FMNL2: variants seen among roughly 807,000 people sequenced by gnomAD.
The protein encoded by FMNL2 is formin-like protein 2.
Under a neutral mutation model 130.2 loss-of-function variants are expected in FMNL2, and 51 were observed. That is an observed-to-expected ratio of 0.39 (90% CI 0.31 to 0.49). The LOEUF is 0.49. Ranked by LOEUF, FMNL2 falls within the 20% of genes least tolerant of loss-of-function variation. The pLI is 0.85. For synonymous variants in FMNL2, 465 were observed against 467.1 expected (o/e 1.00, Z 0.06); for missense variants, 977 against 1,316.2 (o/e 0.74, Z 3.99).
At chr2:152,593,690 C>T (rs1216878974) in intron 9 of FMNL2, among the ~76,000 whole-genome samples, 1 of 152,106 alleles carries the variant, frequency 6.6e-6, no homozygotes, top group Non-Finnish European at 1.5e-5. Flanking sequence ...TCAACAAATA[C>T]AATCTGGGGA....
intron 3 of FMNL2, among the ~76,000 whole-genome samples, chr2:152,545,363 C>T (rs1694564621): frequency 6.6e-6 from 1 of 152,114 alleles, no homozygotes; most frequent in Non-Finnish European, 1.5e-5. Flanking sequence ...TCCTCGAATA[C>T]TTGATTCGTT....
In FMNL2 at chr2:152,478,250, A is replaced by AT. The variant is rs869219736; in HGVS notation, c.118-43675dup. 6.8e-3 allele frequency among the ~76,000 whole-genome samples: 629 copies of AT among 92,108 alleles called. 6 individuals carry two copies. Among genetic ancestry groups the AT allele is most frequent in the East Asian group, 0.023 (62 of 2,728 alleles). The allele number at this position is 92,108 out of a possible 152,430, so 60.4% of individuals were successfully genotyped here. A position where few individuals can be genotyped will look rare whatever the true frequency, so the allele number is the denominator to read the frequency against. ...TATACATATATATATATATATATAT[A>AT]TTTTTTTTTTTTTTTTTTGAGACAG... is the stretch of plus-strand genomic sequence containing the variant. On this transcript the variant is annotated intron_variant, in intron 1 of 25. Transcript: ENST00000288670.
chr2:152,466,116 G>A (rs1689517854), intron 1 of FMNL2, among the ~76,000 whole-genome samples: 1 of 152,142 alleles, frequency 6.6e-6, no homozygotes, highest in African/African-American at 2.4e-5. Context: ...GGCAAATAAG[G>A]AGACTGGTTA....
At chr2:152,598,504 C>A (rs2105806621) in intron 9 of FMNL2, among the ~76,000 whole-genome samples, 1 of 152,276 alleles carries the variant, frequency 6.6e-6, no homozygotes, top group South Asian at 2.1e-4. Context: ...GCCTGGCCAA[C>A]ATGGCGAAAC....
chr2:152,505,652 A>T (rs898029876), intron 1 of FMNL2, among the ~76,000 whole-genome samples: 6 of 152,232 alleles, frequency 3.9e-5, no homozygotes, highest in African/African-American at 1.4e-4. Flanking sequence ...CTGTCTACCC[A>T]TTGTGACTTC....
chr2:152,490,000 T>G (rs1237652557), intron 1 of FMNL2, among the ~76,000 whole-genome samples: 1 of 152,204 alleles, frequency 6.6e-6, no homozygotes, highest in Admixed American at 6.5e-5. Context: ...AAATGAGTTT[T>G]TAATTAGCAT....
rs372610139 is a variant in FMNL2 at position 152,350,352 on chromosome 2, G to C, written c.117+14632G>C. On this transcript the variant is annotated intron_variant, in intron 1 of 25. Coordinates refer to ENST00000288670, the MANE Select transcript of FMNL2 (RefSeq NM_052905.4). ...GGACAGCCTCAAGGTGGAGGCTCAG[G>C]AGTCTGTCCCCTCACTCTGTTGTCG... Among the ~76,000 whole-genome samples, 145 of 152,300 alleles carry C rather than the reference G, an allele frequency of 9.5e-4. 3 individuals are homozygous for C. The South Asian group carries it at 0.022, about 23-fold the overall frequency.
chr2:152,552,858 C>T (rs1695011624), intron 4 of FMNL2, among the ~76,000 whole-genome samples: 1 of 152,192 alleles, frequency 6.6e-6, no homozygotes, highest in South Asian at 2.1e-4. Context: ...GACAGATTTA[C>T]CAGCTTTATT....
intron 1 of FMNL2, among the ~76,000 whole-genome samples, chr2:152,367,410 T>C (rs1376278802): frequency 1.3e-5 from 2 of 152,166 alleles, no homozygotes; most frequent in African/African-American, 2.4e-5. Flanking sequence ...CGAATAAGGC[T>C]GAAAAAATGT....
At chr2:152,526,941 TC>T (rs2105425365) in intron 2 of FMNL2, among the ~76,000 whole-genome samples, 1 of 152,274 alleles carries the variant, frequency 6.6e-6, no homozygotes, top group South Asian at 2.1e-4. Context: ...AGTTTATTGT[TC>T]TCAATTTTCC....
intron 2 of FMNL2, 58 bp downstream of exon 2, chr2:152,522,084 T>G (rs1693126912): frequency 7.3e-7 from 1 of 1,371,784 alleles, no homozygotes; most frequent in Non-Finnish European, 1.0e-6. Flanking sequence ...AGATCCAGTG[T>G]GAATTTTATG....
At chr2:152,487,539 T>G (rs550299275) in intron 1 of FMNL2, among the ~76,000 whole-genome samples, 81 of 152,278 alleles carry the variant, frequency 5.3e-4, no homozygotes, top group African/African-American at 1.8e-3. Flanking sequence ...CTAAGAATAA[T>G]TTATAGTCTA....
chr2:152,599,274 T>C (rs1200097329), intron 9 of FMNL2, among the ~76,000 whole-genome samples: 1 of 152,138 alleles, frequency 6.6e-6, no homozygotes, highest in African/African-American at 2.4e-5. Flanking sequence ...TCCTTCCTAA[T>C]GACCAGGAGA....
chr2:152,598,625 G>A (rs1025327424), intron 9 of FMNL2, among the ~76,000 whole-genome samples: 1 of 152,186 alleles, frequency 6.6e-6, no homozygotes, highest in African/African-American at 2.4e-5. Flanking sequence ...GGGAGGTAGA[G>A]ATTGCAATGA....
intron 2 of FMNL2, among the ~76,000 whole-genome samples, chr2:152,537,419 G>A (rs1286886630): frequency 6.6e-6 from 1 of 151,924 alleles, no homozygotes; most frequent in South Asian, 2.1e-4. Context: ...TAGGGGATTG[G>A]GTTAATGAGG....
At chr2:152,413,291 G>T (rs1478608532) in intron 1 of FMNL2, among the ~76,000 whole-genome samples, 1 of 152,060 alleles carries the variant, frequency 6.6e-6, no homozygotes, top group Non-Finnish European at 1.5e-5. Context: ...TGTCCTTGAG[G>T]AGTAAGAATT....
chr2:152,385,237 G>A (rs1684715265), intron 1 of FMNL2, among the ~76,000 whole-genome samples: 1 of 152,180 alleles, frequency 6.6e-6, no homozygotes, highest in African/African-American at 2.4e-5. Flanking sequence ...CATCGAAACT[G>A]GGGATGAAGT....
chr2:152,341,291 A>G (rs28394649), intron 1 of FMNL2, among the ~76,000 whole-genome samples: 37,100 of 152,116 alleles, frequency 0.24, 6,081 homozygotes, highest in East Asian at 0.86. Context: ...TAGGGCTGTT[A>G]TCATTATCAG....
At chr2:152,340,627 T>C (rs1372257296) in intron 1 of FMNL2, among the ~76,000 whole-genome samples, 3 of 152,222 alleles carry the variant, frequency 2.0e-5, no homozygotes, top group African/African-American at 2.4e-5. Flanking sequence ...AACCTGTCAG[T>C]GCAACGCATA....
Sources: allele counts gnomAD v4.1 joint callset (sites outside exome capture counted in the v4.1 genomes callset), GRCh38; gene constraint gnomAD v4.1.1; transcripts MANE v1.5; gene names NCBI Gene and HGNC (gene_info 2026-07-23, HGNC 2026-07-21).